The following CCDC102B variants were observed in gnomAD, a reference collection of about 807,000 sequenced individuals.
CCDC102B encodes the protein coiled-coil domain-containing protein 102B.
Under a neutral mutation model 57.4 loss-of-function variants are expected in CCDC102B, and 75 were observed. The observed-to-expected ratio is 1.31, with a 90% CI of 1.08 to 1.58. The LOEUF (loss-of-function observed/expected upper bound fraction) is 1.58. CCDC102B is among the 40% of genes most tolerant of loss of function. CCDC102B has a pLI of 0.00. For synonymous variants in CCDC102B, 206 were observed against 201.9 expected (o/e 1.02, Z -0.17); for missense variants, 636 against 582.6 (o/e 1.09, Z -0.94).
At chr18:68,996,762 T>G (rs528848538) in intron 6 of CCDC102B, among the ~76,000 whole-genome samples, 2 of 152,328 alleles carry the variant, frequency 1.3e-5, no homozygotes, top group South Asian at 4.1e-4. Context: ...CACTTTGGAC[T>G]TGAACTTTTG....
chr18:68,900,263 G>A (rs1381504331), intron 6 of CCDC102B: 1 of 152,124 alleles, frequency 6.6e-6, no homozygotes, highest in Non-Finnish European at 1.5e-5. Flanking sequence ...TGGCAAAGAT[G>A]TTTAAGACCT....
chr18:69,048,432 G>T (rs113765116), intron 7 of CCDC102B, among the ~76,000 whole-genome samples: 162 of 151,946 alleles, frequency 1.1e-3, no homozygotes, highest in African/African-American at 3.5e-3. Flanking sequence ...CATAGAAAAT[G>T]GAAACTAAGA....
rs146453670 is a variant in CCDC102B at position 68,825,235 on chromosome 18, A to C, written c.-15-11514A>C. ...TGCTTAAAAATTTTAATGCCACTTT[A>C]TGTGTTCAGAGTAAGCACTACTGAA... On this transcript the variant is annotated intron_variant, in intron 1 of 7. Transcript: ENST00000360242. Among the ~76,000 whole-genome samples, 41 of 152,344 alleles carry C rather than the reference A, an allele frequency of 2.7e-4. 1 individual carries two copies. In the East Asian group the frequency reaches 6.2e-3, roughly 23 times the overall value.
At chr18:68,983,859 A>T (rs1217013067) in intron 6 of CCDC102B, among the ~76,000 whole-genome samples, 1 of 152,018 alleles carries the variant, frequency 6.6e-6, no homozygotes, top group Non-Finnish European at 1.5e-5. Context: ...TTGACTAGGG[A>T]ATGATCAGAG....
intron 7 of CCDC102B, among the ~76,000 whole-genome samples, chr18:69,044,350 C>T (rs1468215817): frequency 6.6e-6 from 1 of 152,134 alleles, no homozygotes; most frequent in Non-Finnish European, 1.5e-5. Flanking sequence ...GACCATTGTG[C>T]AGATTAAATG....
At chr18:68,939,107 C>T (rs188127827) in intron 6 of CCDC102B, among the ~76,000 whole-genome samples, 54 of 151,794 alleles carry the variant, frequency 3.6e-4, no homozygotes, top group African/African-American at 1.2e-3. Flanking sequence ...ATTATATTTT[C>T]GGACTTAAAT....
At chr18:68,913,794 G>T (rs189689124) in intron 6 of CCDC102B, among the ~76,000 whole-genome samples, 72 of 152,260 alleles carry the variant, frequency 4.7e-4, no homozygotes, top group African/African-American at 1.4e-3. Context: ...TTCACAGGCA[G>T]TTCCTATTCT....
intron 6 of CCDC102B, among the ~76,000 whole-genome samples, chr18:68,906,283 A>G (rs2040639936): frequency 6.6e-6 from 1 of 152,076 alleles, no homozygotes; most frequent in African/African-American, 2.4e-5. Flanking sequence ...TGCTGTAATC[A>G]TGCATGCACA....
downstream of CCDC102B, among the ~76,000 whole-genome samples, chr18:69,056,652 GATAGATA>G (rs2052822133): frequency 1.3e-5 from 2 of 151,650 alleles, no homozygotes; most frequent in Non-Finnish European, 2.9e-5. Flanking sequence ...TAGATAGATA[GATAGATA>G]GATAGATAGA....
intron 6 of CCDC102B, among the ~76,000 whole-genome samples, chr18:68,912,566 G>A (rs796646986): frequency 1.3e-4 from 20 of 152,234 alleles, no homozygotes; most frequent in African/African-American, 4.8e-4. Context: ...TATTTGCATT[G>A]AATAAGTTAT....
intron 6 of CCDC102B, among the ~76,000 whole-genome samples, chr18:68,985,309 GT>G (rs1379648441): frequency 6.6e-6 from 1 of 152,068 alleles, no homozygotes; most frequent in Non-Finnish European, 1.5e-5. Context: ...TATTTTTGAA[GT>G]GCCATCCACA....
At chr18:68,823,417 G>GT (rs756767834) in intron 1 of CCDC102B, 4 of 152,130 alleles carry the variant, frequency 2.6e-5, no homozygotes, top group Non-Finnish European at 5.9e-5. Context: ...TTTCCATCAG[G>GT]TAACTTATGT....
At chr18:69,053,873 G>A (rs977273393) in intron 7 of CCDC102B, among the ~76,000 whole-genome samples, 157 bp from the exon 8 acceptor site, 21 of 151,754 alleles carry the variant, frequency 1.4e-4, no homozygotes, top group African/African-American at 3.9e-4. Context: ...CTTAATATAT[G>A]TACTATTTCA....
At chr18:68,774,331 A>G (rs1327121272) in intron 2 of CCDC102B, among the ~76,000 whole-genome samples, 11 of 151,720 alleles carry the variant, frequency 7.3e-5, no homozygotes, top group Non-Finnish European at 1.3e-4. Flanking sequence ...GTATTTATAT[A>G]CAGTGCAGAA....
chr18:68,799,480 T>C (rs1465090721), intron 1 of CCDC102B, among the ~76,000 whole-genome samples: 6 of 152,160 alleles, frequency 3.9e-5, no homozygotes, highest in Non-Finnish European at 8.8e-5. Flanking sequence ...CATCTAATTA[T>C]TACAGTTACA....
At chr18:68,991,728 T>C (rs2050873165) in intron 6 of CCDC102B, among the ~76,000 whole-genome samples, 1 of 152,222 alleles carries the variant, frequency 6.6e-6, no homozygotes, top group Admixed American at 6.5e-5. Context: ...TTGCAATTCT[T>C]TAGAAGTCGT....
intron 2 of CCDC102B, among the ~76,000 whole-genome samples, chr18:68,737,147 A>G (rs1018711372): frequency 6.6e-6 from 1 of 151,880 alleles, no homozygotes; most frequent in African/African-American, 2.4e-5. Flanking sequence ...TTTCTTGAGA[A>G]GGTGTTCTCT....
At chr18:68,857,298 T>A (rs183788358) in intron 4 of CCDC102B, among the ~76,000 whole-genome samples, 4 of 5,142 alleles carry the variant, frequency 7.8e-4, no homozygotes, top group East Asian at 2.6e-3. Flanking sequence ...ATATATTATA[T>A]ATATAATATA....
intron 6 of CCDC102B, among the ~76,000 whole-genome samples, chr18:68,940,535 C>G (rs964796784): frequency 1.3e-5 from 2 of 151,758 alleles, no homozygotes; most frequent in Non-Finnish European, 3.0e-5. Context: ...TAAATCTGCT[C>G]TAAAAAATCT....
Sources: allele counts gnomAD v4.1 joint callset (sites outside exome capture counted in the v4.1 genomes callset), GRCh38; gene constraint gnomAD v4.1.1; transcripts MANE v1.5; gene names NCBI Gene and HGNC (gene_info 2026-07-23, HGNC 2026-07-21).